The following ANXA11 variants were observed in gnomAD, a reference collection of about 807,000 sequenced individuals.
The protein encoded by ANXA11 is 56 kDa autoantigen.
A neutral mutation model predicts 64.7 loss-of-function variants in ANXA11; 57 were observed. That is an observed-to-expected ratio of 0.88 (90% CI 0.71 to 1.10). The LOEUF (loss-of-function observed/expected upper bound fraction) is 1.10, where lower values mean the gene tolerates loss of function less well. Among genes scored for constraint, ANXA11 ranks in the 50% least tolerant of loss-of-function variants. ANXA11 has a pLI of 0.00. For missense variants in ANXA11, 675 were observed against 670.7 expected (o/e 1.01, Z -0.07); for synonymous variants, 260 against 265.2 (o/e 0.98, Z 0.19).
rs770785396 is a variant in ANXA11, at chr10:80,159,104, G to A, written c.1272C>T (p.Ala424=). ...MSGDLEEGML[A]VVKCLKNTPA... ...CGGCAAACCTGAGACACTTACCCAC[G>A]GCCAGCATGCCCTCCTCCAGGTCCC... The change falls in exon 13 of 16, where the codon GCC becomes GCT. Residue 424 remains alanine, a synonymous_variant. Transcript: ENST00000422982. 14 of 1,613,656 alleles carry A rather than the reference G, an allele frequency of 8.7e-6. No homozygotes were observed. Among genetic ancestry groups the A allele is most frequent in the South Asian group, 5.5e-5 (5 of 91,050 alleles).
intron 3 of ANXA11, chr10:80,171,610 C>T (rs966035123): frequency 1.0e-5 from 10 of 984,806 alleles, no homozygotes; most frequent in Admixed American, 6.1e-5. Flanking sequence ...ACTGAGTTAA[C>T]ACCTGCAGGG....
At chr10:80,167,051 C>A in intron 6 of ANXA11, 67 bp from the exon 7 acceptor site, 1 of 1,382,716 alleles carries the variant, frequency 7.2e-7, no homozygotes, top group Non-Finnish European at 1.0e-6. Flanking sequence ...TGAGACTTCC[C>A]TGGCCTGGGC....
At chr10:80,158,463 G>A (rs1589413959) in intron 13 of ANXA11, among the ~76,000 whole-genome samples, 1 of 152,172 alleles carries the variant, frequency 6.6e-6, no homozygotes, top group African/African-American at 2.4e-5. Context: ...GACCTACTAT[G>A]GGGGACAGGC....
At chr10:80,173,788 GCTCGT>G (rs1243690604) in intron 2 of ANXA11, among the ~76,000 whole-genome samples, 1 of 152,210 alleles carries the variant, frequency 6.6e-6, no homozygotes, top group Admixed American at 6.5e-5. Context: ...AATCACACCT[GCTCGT>G]CTCGAGTATG....
At chr10:80,199,319 T>G (rs1840316158) in intron 1 of ANXA11, among the ~76,000 whole-genome samples, 3 of 152,048 alleles carry the variant, frequency 2.0e-5, no homozygotes, top group Non-Finnish European at 4.4e-5. Flanking sequence ...GGATGGTCTC[T>G]ATCTCCTGAC....
intron 1 of ANXA11, among the ~76,000 whole-genome samples, chr10:80,182,030 C>T (rs1009425402): frequency 1.3e-5 from 2 of 152,212 alleles, no homozygotes; most frequent in African/African-American, 4.8e-5. Flanking sequence ...AATTTGGAAG[C>T]ACCCAAGGTT....
intron 1 of ANXA11, among the ~76,000 whole-genome samples, chr10:80,181,695 G>A (rs531862242): frequency 2.0e-5 from 3 of 152,076 alleles, no homozygotes; most frequent in Non-Finnish European, 4.4e-5. Context: ...ATGAAAAGAC[G>A]CTCAACATGT....
rs909624682 is a variant in ANXA11 at position 80,153,444 on chromosome 10, C to T, written c.*2409G>A. 2 of 152,274 alleles carry T rather than the reference C, an allele frequency of 1.3e-5. No homozygotes were observed. Among genetic ancestry groups the T allele is most frequent in the African/African-American group, 4.8e-5 (2 of 41,476 alleles). The allele number at this position is 152,274 out of a possible 1,614,324, so 9.4% of individuals were successfully genotyped here. A position where few individuals can be genotyped will look rare whatever the true frequency, so the allele number is the denominator to read the frequency against. On this transcript the variant is annotated 3_prime_UTR_variant, in exon 16 of 16. Coordinates refer to ENST00000422982, the MANE Select transcript of ANXA11 (RefSeq NM_145868.2). ...AAATGTGTCTGTAGGTGCAATATTG[C>T]CTGCTGGGCACCAGGCTGGGAACTT...
chr10:80,175,755 A>C (rs1165732059), intron 2 of ANXA11, among the ~76,000 whole-genome samples: 1 of 152,152 alleles, frequency 6.6e-6, no homozygotes, highest in African/African-American at 2.4e-5. Context: ...GAAATCACCA[A>C]TTAAAAATAC....
intron 12 of ANXA11, among the ~76,000 whole-genome samples, chr10:80,160,396 C>G (rs1845458238): frequency 6.6e-6 from 1 of 152,206 alleles, no homozygotes; most frequent in Non-Finnish European, 1.5e-5. Context: ...CCCCTACTTC[C>G]TCTACCACCC....
chr10:80,182,867 C>A (rs1275667057), intron 1 of ANXA11, among the ~76,000 whole-genome samples: 3 of 152,160 alleles, frequency 2.0e-5, no homozygotes, highest in Non-Finnish European at 4.4e-5. Context: ...AGCCCTTTAA[C>A]CTATAGGGTC....
In ANXA11 at chr10:80,157,734, A is replaced by C. The variant is rs779282732; in HGVS notation, c.1365T>G (p.Ile455Met). 14 of 1,613,870 alleles carry C rather than the reference A, an allele frequency of 8.7e-6. No individual in the cohort carries two copies. The South Asian group carries it at 1.5e-4, about 18-fold the overall frequency. ...TCTCGCTGCGAGACACCATGATGCGAATCAGGGTCCGGTCCTTTGTTCCTG... is the reference window on the plus strand; with the variant it reads ...TCTCGCTGCGAGACACCATGATGCGCATCAGGGTCCGGTCCTTTGTTCCTG... The part of the protein sequence containing the change: ...RGAGTKDRTL[I>M]RIMVSRSETD... The change falls in exon 15 of 16, where the codon ATT (isoleucine) becomes ATG (methionine). Residue 455 changes from isoleucine to methionine, a missense_variant. Physicochemically the swap from Ile to Met is conservative, Grantham distance 10. Transcript: ENST00000422982.
chr10:80,162,779 C>T (rs1336717346), intron 11 of ANXA11, among the ~76,000 whole-genome samples: 1 of 152,206 alleles, frequency 6.6e-6, no homozygotes, highest in Non-Finnish European at 1.5e-5. Flanking sequence ...ATGGCCAACT[C>T]CACCCCACCA....
Position 80,166,954 on chromosome 10 carries a change from A to G in ANXA11, c.680T>C (p.Leu227Pro). 1 of 1,607,642 alleles carries G rather than the reference A, an allele frequency of 6.2e-7. No individual in the cohort carries two copies. Residue 227 changes from leucine to proline, a missense_variant, in exon 7 of 16, where the codon CTG becomes CCG. Physicochemically the swap from Leu to Pro is moderately conservative, Grantham distance 98 (BLOSUM62 -3). Coordinates refer to ENST00000422982, the MANE Select transcript of ANXA11 (RefSeq NM_145868.2). ...GTDEQAIIDC[L>P]GSRSNKQRQQ... is the part of the protein sequence containing the mutation. ...CCGCTGCTTGTTGGAGCGACTCCCC[A>G]GGCAGTCAATGATGGCCTGCTCATC...
At chr10:80,193,110 CA>C (rs1027521854) in intron 1 of ANXA11, among the ~76,000 whole-genome samples, 3 of 152,262 alleles carry the variant, frequency 2.0e-5, no homozygotes, top group African/African-American at 7.2e-5. Context: ...ATCAGGCCCC[CA>C]AGGAGGGAAA....
chr10:80,189,973 T>C (rs1436208996), intron 1 of ANXA11, among the ~76,000 whole-genome samples: 1 of 152,232 alleles, frequency 6.6e-6, no homozygotes, highest in Non-Finnish European at 1.5e-5. Flanking sequence ...ACAATGTGGA[T>C]AAATCTTCAA....
At chr10:80,205,231 G>C (rs925313629) in intron 1 of ANXA11, 112 bp downstream of exon 1, 2 of 145,408 alleles carry the variant, frequency 1.4e-5, no homozygotes, top group African/African-American at 5.0e-5. Context: ...CCAGGAAGCC[G>C]CAGGGCCGCG....
At chr10:80,191,341 T>C (rs1846767066) in intron 1 of ANXA11, among the ~76,000 whole-genome samples, 1 of 152,214 alleles carries the variant, frequency 6.6e-6, no homozygotes, top group Non-Finnish European at 1.5e-5. Context: ...TGAGCCGAGA[T>C]TGTGCTACTG....
intron 3 of ANXA11, among the ~76,000 whole-genome samples, chr10:80,172,569 T>A (rs953014775): frequency 2.0e-5 from 3 of 152,140 alleles, no homozygotes; most frequent in African/African-American, 7.2e-5. Context: ...GCCCTGGGCC[T>A]GGTCCAGGGC....
Sources: allele counts gnomAD v4.1 joint callset (sites outside exome capture counted in the v4.1 genomes callset), GRCh38; gene constraint gnomAD v4.1.1; transcripts MANE v1.5; gene names NCBI Gene and HGNC (gene_info 2026-07-23, HGNC 2026-07-21).